ADAM23: variants seen among roughly 807,000 people sequenced by gnomAD.
ADAM23 encodes the protein ADAM metallopeptidase domain 23, also known as disintegrin and metalloproteinase domain-containing protein 23.
ADAM23 carries 33 observed loss-of-function variants against 120.1 expected under a neutral mutation model. The observed-to-expected ratio is 0.27, with a 90% CI of 0.21 to 0.37. ADAM23 has a LOEUF of 0.37. Among genes scored for constraint, ADAM23 ranks in the 10% least tolerant of loss-of-function variants. The pLI is 1.00. For missense variants in ADAM23, 862 were observed against 1,058.2 expected (o/e 0.81, Z 2.57); for synonymous variants, 367 against 375.2 (o/e 0.98, Z 0.25).
chr2:206,595,389 G>A (rs1698504628), intron 23 of ADAM23, among the ~76,000 whole-genome samples: 1 of 151,944 alleles, frequency 6.6e-6, no homozygotes, highest in Non-Finnish European at 1.5e-5. Flanking sequence ...ATGCTGGTGG[G>A]TCCCTGGAGA....
At chr2:206,444,993 A>G (rs1417117109) in intron 1 of ADAM23, among the ~76,000 whole-genome samples, 2 of 91,268 alleles carry the variant, frequency 2.2e-5, no homozygotes, top group African/African-American at 7.2e-5. Flanking sequence ...CCTCAAGTTC[A>G]TTCTACCCCC....
At chr2:206,605,746 T>A (rs1192378835) in intron 24 of ADAM23, 1 of 702,030 alleles carries the variant, frequency 1.4e-6, no homozygotes, top group African/African-American at 1.7e-5. Flanking sequence ...GAAATTAGTA[T>A]GTAATTTCCT....
chr2:206,617,048 G>C (rs1322338366), intron 25 of ADAM23, among the ~76,000 whole-genome samples: 1 of 152,088 alleles, frequency 6.6e-6, no homozygotes, highest in Non-Finnish European at 1.5e-5. Flanking sequence ...AAAAATGCTT[G>C]TTCTATAGTG....
Position 206,508,168 on chromosome 2 carries a change from T to C in ADAM23, c.510-22717T>C, listed in dbSNP as rs1390693007. 3.9e-5 allele frequency among the ~76,000 whole-genome samples: 6 copies of C among 152,244 alleles called. No individual in the cohort carries two copies. The East Asian group carries it at 7.8e-4, about 20-fold the overall frequency. On this transcript the variant is annotated intron_variant, in intron 3 of 25. Coordinates refer to ENST00000264377, the MANE Select transcript of ADAM23 (RefSeq NM_003812.4). Reference sequence around the variant, plus strand: ...CCTCAGCCTCCCGAGTAGCTGGGACTACAGGCATCCACCACCACGCCCAGC... The same window carrying C: ...CCTCAGCCTCCCGAGTAGCTGGGACCACAGGCATCCACCACCACGCCCAGC...
At chr2:206,574,907 TTTG>T (rs1256890194) in intron 18 of ADAM23, among the ~76,000 whole-genome samples, 1 of 152,192 alleles carries the variant, frequency 6.6e-6, no homozygotes, top group Non-Finnish European at 1.5e-5. Context: ...CAAATGAGTA[TTTG>T]TTGAGGGCCT....
intron 18 of ADAM23, among the ~76,000 whole-genome samples, chr2:206,573,735 A>G (rs917945090): frequency 6.6e-6 from 1 of 152,174 alleles, no homozygotes. Flanking sequence ...AATAGCAACA[A>G]TGAAAATGGC....
At chr2:206,539,143 T>C (rs1697240627) in intron 4 of ADAM23, among the ~76,000 whole-genome samples, 1 of 152,170 alleles carries the variant, frequency 6.6e-6, no homozygotes, top group East Asian at 1.9e-4. Context: ...GAGCATGATA[T>C]GGCTTGTGGA....
chr2:206,552,377 TTAC>T (rs1697545748), intron 9 of ADAM23, among the ~76,000 whole-genome samples: 1 of 152,184 alleles, frequency 6.6e-6, no homozygotes, highest in Non-Finnish European at 1.5e-5. Context: ...TAGGAAACAG[TTAC>T]TACTAAGTGT....
chr2:206,590,791 G>A (rs1698411422), intron 21 of ADAM23, among the ~76,000 whole-genome samples: 1 of 152,118 alleles, frequency 6.6e-6, no homozygotes, highest in Admixed American at 6.6e-5. Context: ...GAGGTGTCAG[G>A]GGATAGGAGC....
intron 5 of ADAM23, among the ~76,000 whole-genome samples, chr2:206,542,849 ATC>A (rs1289772938): frequency 6.6e-6 from 1 of 152,154 alleles, no homozygotes; most frequent in African/African-American, 2.4e-5. Flanking sequence ...TATATAAAGA[ATC>A]TGTTTTCTTA....
chr2:206,505,898 A>G (rs985801286), intron 3 of ADAM23, among the ~76,000 whole-genome samples: 3 of 152,204 alleles, frequency 2.0e-5, no homozygotes, highest in Non-Finnish European at 4.4e-5. Context: ...ACCCCCATAT[A>G]GCTGCAAGTG....
chr2:206,588,492 C>CT (rs1416275691), intron 20 of ADAM23, among the ~76,000 whole-genome samples: 1 of 152,150 alleles, frequency 6.6e-6, no homozygotes, highest in African/African-American at 2.4e-5. Flanking sequence ...ATTTGACCCC[C>CT]TTTTTTTCCA....
rs1699023135 is a variant in ADAM23, at chr2:206,619,892, C to A, written c.*2265C>A. ...TGTAATAACAGGGCTATCTACAAGG[C>A]CTCTCAGCCTTACTCCTGGCTTCAT... On this transcript the variant is annotated 3_prime_UTR_variant, in exon 26 of 26. Coordinates refer to ENST00000264377, the MANE Select transcript of ADAM23 (RefSeq NM_003812.4). 1 of 152,194 alleles carries A rather than the reference C, an allele frequency of 6.6e-6. No homozygotes were observed. The highest frequency in any genetic ancestry group is 2.1e-4 in the South Asian group (1 of 4,834). 9.4% of individuals were successfully genotyped at this position (152,194 alleles called of 1,614,324 possible).
At chr2:206,477,897 A>AAAAAAATATATATAT (rs374524658) in intron 2 of ADAM23, among the ~76,000 whole-genome samples, 1 of 93,604 alleles carries the variant, frequency 1.1e-5, no homozygotes, top group African/African-American at 5.2e-5. Context: ...AAAAAAAAAA[A>AAAAAAATATATATAT]ATATATATAT....
chr2:206,556,248 T>C (rs1056352294), intron 9 of ADAM23, among the ~76,000 whole-genome samples: 3 of 152,088 alleles, frequency 2.0e-5, no homozygotes, highest in Non-Finnish European at 2.9e-5. Context: ...TTTGTTGTTA[T>C]AAAAAATAAA....
At chr2:206,521,806 C>T (rs1229915804) in intron 3 of ADAM23, among the ~76,000 whole-genome samples, 1 of 152,192 alleles carries the variant, frequency 6.6e-6, no homozygotes. Flanking sequence ...ATGAGTGGAA[C>T]TTGTGGATTA....
In ADAM23 at chr2:206,445,402, A is replaced by G. The variant is rs1324095856; in HGVS notation, c.310A>G (p.Ser104Gly). The change falls in exon 2 of 26, where the codon AGC becomes GGC. Residue 104 changes from serine (S) to glycine (G), a missense_variant. Ser to Gly is a moderately conservative substitution (Grantham distance 56, BLOSUM62 0). Coordinates refer to ENST00000264377, the MANE Select transcript of ADAM23 (RefSeq NM_003812.4). ...QQNSSSNISY[S>G]NAMQKEITLP... ...GAATAGCAGCAGTAATATCAGTTAC[A>G]GCAATGCAATGCAGAAAGAAATCAC... 1.9e-6 allele frequency: 3 copies of G among 1,614,132 alleles called. No homozygotes were observed. The highest frequency in any genetic ancestry group is 1.7e-6 in the Non-Finnish European group (2 of 1,179,954).
intron 3 of ADAM23, among the ~76,000 whole-genome samples, chr2:206,519,554 G>T (rs1352456867): frequency 6.6e-6 from 1 of 152,058 alleles, no homozygotes; most frequent in Non-Finnish European, 1.5e-5. Context: ...TTGCCACTTT[G>T]TATGATAGTA....
chr2:206,452,474 AG>A (rs1306987135), intron 2 of ADAM23, among the ~76,000 whole-genome samples: 2 of 152,164 alleles, frequency 1.3e-5, no homozygotes, highest in Non-Finnish European at 2.9e-5. Flanking sequence ...CTTTGTTAGC[AG>A]GGTGGACCAC....
Sources: allele counts gnomAD v4.1 joint callset (sites outside exome capture counted in the v4.1 genomes callset), GRCh38; gene constraint gnomAD v4.1.1; transcripts MANE v1.5; gene names NCBI Gene and HGNC (gene_info 2026-07-23, HGNC 2026-07-21).